The following LRRC4C variants were observed in gnomAD, a reference collection of about 807,000 sequenced individuals.
LRRC4C encodes the protein leucine-rich repeat-containing protein 4C.
In LRRC4C, 5 loss-of-function variants were observed where a neutral mutation model predicts 33.6. That is an observed-to-expected ratio of 0.15 (90% CI 0.08 to 0.31). LRRC4C has a LOEUF of 0.31. LRRC4C is among the 10% of genes least tolerant of loss of function. The pLI is 1.00. For missense variants in LRRC4C, 560 were observed against 796.7 expected, an observed-to-expected ratio of 0.70 and a Z score of 3.58; for synonymous variants, 329 against 302.0, an observed-to-expected ratio of 1.09 and a Z score of -0.93.
intron 1 of LRRC4C, among the ~76,000 whole-genome samples, chr11:40,984,405 AAGAAAGAAAGAGAAAGAAAG>A (rs1463686381): frequency 4.1e-4 from 35 of 85,590 alleles, no homozygotes; most frequent in African/African-American, 1.3e-3. Context: ...GAAAGAAAGA[AAGAAAGAAAGAGAAAGAAAG>A]AAAGAGAAAA....
At chr11:41,033,843 A>G (rs1856870776) in intron 1 of LRRC4C, among the ~76,000 whole-genome samples, 1 of 152,124 alleles carries the variant, frequency 6.6e-6, no homozygotes, top group Non-Finnish European at 1.5e-5. Flanking sequence ...AATTTGTCAA[A>G]AAGTACACAA....
chr11:40,570,524 A>AT (rs1957942077), intron 3 of LRRC4C, among the ~76,000 whole-genome samples: 2 of 152,094 alleles, frequency 1.3e-5, no homozygotes, highest in African/African-American at 4.8e-5. Flanking sequence ...ACCTTGAATA[A>AT]TTTTCTCTTG....
intron 2 of LRRC4C, among the ~76,000 whole-genome samples, chr11:40,781,996 GC>G (rs1315954272): frequency 6.6e-6 from 1 of 152,090 alleles, no homozygotes; most frequent in African/African-American, 2.4e-5. Context: ...TTAGCTTTCT[GC>G]CCCCTTTAAT....
At chr11:40,736,158 C>T (rs1947856094) in intron 2 of LRRC4C, among the ~76,000 whole-genome samples, 1 of 152,074 alleles carries the variant, frequency 6.6e-6, no homozygotes, top group Non-Finnish European at 1.5e-5. Context: ...TGCTATATCT[C>T]TCCTTGCCCC....
chr11:40,637,103 T>C (rs2136062943), intron 3 of LRRC4C, among the ~76,000 whole-genome samples: 1 of 152,358 alleles, frequency 6.6e-6, no homozygotes, highest in South Asian at 2.1e-4. Flanking sequence ...TTAGTTTCTC[T>C]TCTAACTCTA....
At chr11:40,358,170 G>A (rs1390826785) in intron 3 of LRRC4C, among the ~76,000 whole-genome samples, 1 of 148,576 alleles carries the variant, frequency 6.7e-6, no homozygotes, top group Admixed American at 6.9e-5. Context: ...GAGAGAGAGA[G>A]AGACTCTGTC....
intron 1 of LRRC4C, among the ~76,000 whole-genome samples, chr11:41,432,948 T>C (rs1274293328): frequency 6.6e-6 from 1 of 152,120 alleles, no homozygotes; most frequent in Non-Finnish European, 1.5e-5. Context: ...GGGTATCAGG[T>C]ATATATCTCA....
intron 1 of LRRC4C, among the ~76,000 whole-genome samples, chr11:41,015,828 C>T: frequency 6.6e-6 from 1 of 152,010 alleles, no homozygotes; most frequent in East Asian, 1.9e-4. Context: ...AGTATCTCTC[C>T]TTTAAAAACA....
intron 1 of LRRC4C, among the ~76,000 whole-genome samples, chr11:41,015,315 A>C (rs1855499995): frequency 6.6e-6 from 1 of 152,102 alleles, no homozygotes; most frequent in African/African-American, 2.4e-5. Context: ...TTATTTATAT[A>C]TTTTAAAATT....
chr11:40,756,674 C>T (rs1303358940), intron 2 of LRRC4C, among the ~76,000 whole-genome samples: 3 of 152,152 alleles, frequency 2.0e-5, no homozygotes, highest in African/African-American at 4.8e-5. Context: ...TCAATTAAAA[C>T]GTCCTCAAAA....
chr11:40,887,244 C>A (rs1955512328), intron 2 of LRRC4C, among the ~76,000 whole-genome samples: 1 of 151,602 alleles, frequency 6.6e-6, no homozygotes, highest in Non-Finnish European at 1.5e-5. Flanking sequence ...ATTTTTCAAG[C>A]CATAATGAGA....
At chr11:40,893,817 TAACACA>T (rs1352294106) in intron 2 of LRRC4C, among the ~76,000 whole-genome samples, 1 of 31,250 alleles carries the variant, frequency 3.2e-5, no homozygotes, top group Non-Finnish European at 1.1e-4. Context: ...TTACGTATTA[TAACACA>T]CACACACACA....
rs559264071 is a variant in LRRC4C at position 41,312,900 on chromosome 11, T to C, written c.-496+146531A>G. On this transcript the variant is annotated intron_variant, in intron 1 of 6. Coordinates refer to ENST00000528697, the MANE Select transcript of LRRC4C (RefSeq NM_001258419.2). The stretch of plus-strand genomic sequence containing the variant: ...TTGTTGGCAGTATACATAAAACGCT[T>C]CCATCAATGAGTGTCCACATGAAAC... Among the ~76,000 whole-genome samples, 17 of 152,288 alleles carry C rather than the reference T, an allele frequency of 1.1e-4. No homozygotes were observed. The South Asian group carries it at 3.5e-3, about 32-fold the overall frequency.
At position 40,646,700 on chromosome 11, in the gene LRRC4C, G is replaced by A. The variant is rs2861927; in HGVS notation, c.-270+1442C>T. ...CGGCTCACTGCAAGCTCCGCCCTCC[G>A]GGTTCACGCCATTCTCCTGCCTCAG... On this transcript the variant is annotated intron_variant, in intron 3 of 6. Transcript: ENST00000528697. Among the ~76,000 whole-genome samples, 690 of 152,234 alleles carry A rather than the reference G, an allele frequency of 4.5e-3. 6 individuals carry two copies. Among genetic ancestry groups the A allele is most frequent in the African/African-American group, 0.016 (644 of 41,544 alleles).
chr11:40,557,686 G>C (rs556175760), intron 3 of LRRC4C, among the ~76,000 whole-genome samples: 1 of 148,814 alleles, frequency 6.7e-6, no homozygotes, highest in African/African-American at 2.6e-5. Flanking sequence ...AGGCGTGTGT[G>C]TGTGTGTGTG....
At chr11:40,611,258 T>G (rs1961186594) in intron 3 of LRRC4C, among the ~76,000 whole-genome samples, 1 of 151,832 alleles carries the variant, frequency 6.6e-6, no homozygotes. Context: ...GTACCAAGAC[T>G]ACACAATGGG....
intron 2 of LRRC4C, among the ~76,000 whole-genome samples, chr11:40,766,600 G>A (rs1168586897): frequency 6.6e-6 from 1 of 151,836 alleles, no homozygotes; most frequent in Non-Finnish European, 1.5e-5. Context: ...ATAAAAACTT[G>A]AAAAGTTATG....
intron 2 of LRRC4C, among the ~76,000 whole-genome samples, chr11:40,737,585 A>AG (rs1564995315): frequency 6.6e-6 from 1 of 151,790 alleles, no homozygotes; most frequent in East Asian, 1.9e-4. Flanking sequence ...ATAAAAAAAA[A>AG]CAGAGAGCCA....
intron 1 of LRRC4C, among the ~76,000 whole-genome samples, chr11:40,983,262 T>C (rs1015725901): frequency 6.6e-6 from 1 of 152,206 alleles, no homozygotes; most frequent in African/African-American, 2.4e-5. Flanking sequence ...TCCACAATGG[T>C]TGAACTAATT....
Sources: allele counts gnomAD v4.1 joint callset (sites outside exome capture counted in the v4.1 genomes callset), GRCh38; gene constraint gnomAD v4.1.1; transcripts MANE v1.5; gene names NCBI Gene and HGNC (gene_info 2026-07-23, HGNC 2026-07-21).